The following CFAP299 variants were observed in gnomAD, a reference collection of about 807,000 sequenced individuals.
The protein encoded by CFAP299 is cilia and flagella associated protein 299.
CFAP299 carries 21 observed loss-of-function variants against 27.0 expected under a neutral mutation model. The observed-to-expected ratio is 0.78, with a 90% CI of 0.55 to 1.12. The LOEUF (loss-of-function observed/expected upper bound fraction) is 1.12. Ranked by LOEUF, CFAP299 falls within the 50% of genes most tolerant of loss-of-function variation. The pLI, the probability that CFAP299 is intolerant of heterozygous loss-of-function variation, is 0.00. For missense variants in CFAP299, 310 were observed against 276.6 expected (o/e 1.12, Z -0.86); for synonymous variants, 104 against 98.1 (o/e 1.06, Z -0.36).
chr4:80,891,518 A>G (rs1309113844), intron 4 of CFAP299, among the ~76,000 whole-genome samples: 245 of 143,844 alleles, frequency 1.7e-3, no homozygotes, highest in African/African-American at 6.2e-3. Context: ...CGCAAGAACA[A>G]AAAACCAAAC....
chr4:80,624,601 G>A (rs1357585164), intron 3 of CFAP299, among the ~76,000 whole-genome samples: 1 of 151,814 alleles, frequency 6.6e-6, no homozygotes, highest in East Asian at 1.9e-4. Context: ...TTTCAAATCT[G>A]GAGAAAGACA....
rs1730015984 is a variant in CFAP299, at chr4:80,471,887, T to C, written c.242+109003T>C. On this transcript the variant is annotated intron_variant, in intron 2 of 5. Transcript: ENST00000358105. ...GTTTACATTGAGGCCTTGGCAGCAC[T>C]GACCCGCGGCCATCCTTCACTCGCA... Among the ~76,000 whole-genome samples, 3 of 152,174 alleles carry C rather than the reference T, an allele frequency of 2.0e-5. No individual in the cohort carries two copies. In the South Asian group the frequency reaches 6.2e-4, roughly 32 times the overall value.
At chr4:80,951,383 T>C (rs1199197314) in intron 5 of CFAP299, among the ~76,000 whole-genome samples, 1 of 152,222 alleles carries the variant, frequency 6.6e-6, no homozygotes, top group Non-Finnish European at 1.5e-5. Context: ...GATTTATTTC[T>C]TTGTTCTTTT....
rs1491189749 is a variant in CFAP299 at position 80,646,988 on chromosome 4, A to AGAGT, written c.333+63806_333+63807insAGTG. Among the ~76,000 whole-genome samples the AGAGT allele has an allele frequency of 6.5e-3, 201 of 31,112 alleles. 1 individual carries two copies. The highest frequency in any genetic ancestry group is 0.018 in the South Asian group (15 of 836). The allele number at this position is 31,112 out of a possible 152,430, so 20.4% of individuals were successfully genotyped here. A position where few individuals can be genotyped will look rare whatever the true frequency, so the allele number is the denominator to read the frequency against. ...TTCTTTGAGAGAGAGAGAGAGAGAG[A>AGAGT]GTGTGTGTGTGTGTGTGTGTGTGTG... On this transcript the variant is annotated intron_variant, in intron 3 of 5. Transcript: ENST00000358105.
chr4:80,369,885 A>G (rs995528533), intron 2 of CFAP299, among the ~76,000 whole-genome samples: 2 of 152,202 alleles, frequency 1.3e-5, no homozygotes, highest in African/African-American at 4.8e-5. Context: ...CATGCATAAT[A>G]TGACCAGAGG....
chr4:80,433,296 C>T (rs1225796931), intron 2 of CFAP299, among the ~76,000 whole-genome samples: 1 of 152,128 alleles, frequency 6.6e-6, no homozygotes, highest in South Asian at 2.1e-4. Context: ...TGATACATTT[C>T]TCTTAATTCA....
At chr4:80,683,104 C>G (rs995280028) in intron 3 of CFAP299, among the ~76,000 whole-genome samples, 2 of 152,154 alleles carry the variant, frequency 1.3e-5, no homozygotes, top group African/African-American at 4.8e-5. Flanking sequence ...ACACCTCTAT[C>G]TCCAAGATAA....
chr4:80,587,185 C>T (rs1736490024), intron 3 of CFAP299, among the ~76,000 whole-genome samples: 2 of 152,058 alleles, frequency 1.3e-5, no homozygotes. Flanking sequence ...TAATAGAATT[C>T]ATGCTTGTCC....
At chr4:80,563,530 A>G (rs899274689) in intron 2 of CFAP299, among the ~76,000 whole-genome samples, 2 of 152,056 alleles carry the variant, frequency 1.3e-5, no homozygotes, top group African/African-American at 4.8e-5. Flanking sequence ...ATCAAAATCT[A>G]TGGGATACAG....
At chr4:80,846,799 T>C (rs140097357) in intron 3 of CFAP299, among the ~76,000 whole-genome samples, 2 of 152,140 alleles carry the variant, frequency 1.3e-5, no homozygotes, top group African/African-American at 4.8e-5. Context: ...TTATCTCTGA[T>C]TTTTTAGTCT....
intron 3 of CFAP299, among the ~76,000 whole-genome samples, chr4:80,800,627 A>T (rs1479733063): frequency 2.9e-4 from 29 of 99,064 alleles, no homozygotes; most frequent in Admixed American, 2.2e-3. Context: ...ATAATATATT[A>T]ATATAAATAT....
At chr4:80,720,725 T>G (rs1340236291) in intron 3 of CFAP299, among the ~76,000 whole-genome samples, 1 of 152,072 alleles carries the variant, frequency 6.6e-6, no homozygotes, top group Non-Finnish European at 1.5e-5. Flanking sequence ...TTGTTGGGAA[T>G]ACAGAGAAAC....
At chr4:80,463,275 G>A (rs923167592) in intron 2 of CFAP299, among the ~76,000 whole-genome samples, 5 of 151,784 alleles carry the variant, frequency 3.3e-5, no homozygotes, top group Non-Finnish European at 7.4e-5. Context: ...ATAGCAAATG[G>A]CTATTTTAAA....
chr4:80,659,210 A>C (rs1162343627), intron 3 of CFAP299, among the ~76,000 whole-genome samples: 3 of 152,080 alleles, frequency 2.0e-5, no homozygotes, highest in Non-Finnish European at 4.4e-5. Flanking sequence ...ATATCCTATA[A>C]GAGTATACTT....
intron 2 of CFAP299, among the ~76,000 whole-genome samples, chr4:80,541,537 T>A (rs2110199270): frequency 6.6e-6 from 1 of 152,320 alleles, no homozygotes; most frequent in South Asian, 2.1e-4. Flanking sequence ...CTGTTTGATG[T>A]TTTATCTTCC....
intron 2 of CFAP299, among the ~76,000 whole-genome samples, chr4:80,574,959 A>AGTAATACTG (rs1735777137): frequency 6.6e-6 from 1 of 152,002 alleles, no homozygotes; most frequent in South Asian, 2.1e-4. Context: ...TTGGTATCAA[A>AGTAATACTG]GTAATACTGG....
intron 3 of CFAP299, among the ~76,000 whole-genome samples, chr4:80,740,033 A>G (rs543136413): frequency 6.6e-6 from 1 of 152,206 alleles, no homozygotes; most frequent in Non-Finnish European, 1.5e-5. Flanking sequence ...TGTTACATTT[A>G]TCTAATAGCA....
In CFAP299 at chr4:80,726,407, A is replaced by G. The variant is rs192445145; in HGVS notation, c.333+143224A>G. Among the ~76,000 whole-genome samples the G allele has an allele frequency of 5.0e-3, 767 of 152,224 alleles. 4 individuals carry two copies. The highest frequency in any genetic ancestry group is 0.02 in the Middle Eastern group (6 of 294). On this transcript the variant is annotated intron_variant, in intron 3 of 5. Coordinates refer to ENST00000358105, the MANE Select transcript of CFAP299 (RefSeq NM_152770.3). ...CTTGTTAAATTTAAACTGTTAAAAG[A>G]AAGAAAAAGATATCTTTTTAAAAGC...
intron 3 of CFAP299, among the ~76,000 whole-genome samples, chr4:80,595,386 G>A (rs936498211): frequency 6.6e-6 from 1 of 152,128 alleles, no homozygotes; most frequent in African/African-American, 2.4e-5. Context: ...TTTACATTTA[G>A]ATGTATGTTT....
Sources: allele counts gnomAD v4.1 joint callset (sites outside exome capture counted in the v4.1 genomes callset), GRCh38; gene constraint gnomAD v4.1.1; transcripts MANE v1.5; gene names NCBI Gene and HGNC (gene_info 2026-07-23, HGNC 2026-07-21).